ANKRD2: variants seen among roughly 807,000 people sequenced by gnomAD.
ANKRD2 encodes the protein ankyrin repeat domain 2.
ANKRD2 carries 35 observed loss-of-function variants against 37.3 expected under a neutral mutation model. That is an observed-to-expected ratio of 0.94 (90% CI 0.72 to 1.24). The LOEUF (loss-of-function observed/expected upper bound fraction) is 1.24. Ranked by LOEUF, ANKRD2 falls within the 50% of genes most tolerant of loss-of-function variation. ANKRD2 has a pLI of 0.00. For missense variants in ANKRD2, 410 were observed against 445.6 expected, an observed-to-expected ratio of 0.92 and a Z score of 0.72; for synonymous variants, 159 against 186.5, an observed-to-expected ratio of 0.85 and a Z score of 1.20.
chr10:97,575,738 G>C (rs2040818898), intron 1 of ANKRD2, among the ~76,000 whole-genome samples: 1 of 152,130 alleles, frequency 6.6e-6, no homozygotes, highest in African/African-American at 2.4e-5. Flanking sequence ...GTGGAACCCT[G>C]TCTCTACTAA....
At position 97,580,318 on chromosome 10, in the gene ANKRD2, G is replaced by A. The variant is rs184353097; in HGVS notation, c.457-537G>A. Reference sequence around the variant, plus strand: ...TATGGAAAGATATTGTGGCTTGAGCGTTTCAAAAGTCCAAGGCAGAAAGGA... The same window carrying A: ...TATGGAAAGATATTGTGGCTTGAGCATTTCAAAAGTCCAAGGCAGAAAGGA... On this transcript the variant is annotated intron_variant, in intron 4 of 8. Transcript: ENST00000370655. Among the ~76,000 whole-genome samples the A allele has an allele frequency of 8.5e-5, 13 of 152,300 alleles. No homozygotes were observed. In the East Asian group the frequency reaches 1.5e-3, roughly 18 times the overall value.
In ANKRD2 at chr10:97,583,768, T is replaced by G; in HGVS notation, c.*43T>G. The G allele has an allele frequency of 6.8e-7, 1 of 1,468,864 alleles. No individual in the cohort carries two copies. Among genetic ancestry groups the G allele is most frequent in the Non-Finnish European group, 9.0e-7 (1 of 1,112,654 alleles). 91.0% of individuals were successfully genotyped at this position (1,468,864 alleles called of 1,614,324 possible). A position where few individuals can be genotyped will look rare whatever the true frequency, so the allele number is the denominator to read the frequency against. Reference sequence around the variant, plus strand: ...GCCAGCTACCCAGCCCCTCTCTGTGTGCAGCCGGAGGGTCCTAAGAATGGC... The same window carrying G: ...GCCAGCTACCCAGCCCCTCTCTGTGGGCAGCCGGAGGGTCCTAAGAATGGC... On this transcript the variant is annotated 3_prime_UTR_variant, in exon 9 of 9. Coordinates refer to ENST00000370655, the MANE Select transcript of ANKRD2 (RefSeq NM_001346793.2).
chr10:97,583,469 T>G, intron 8 of ANKRD2, 107 bp from the exon 9 acceptor site: 1 of 1,125,836 alleles, frequency 8.9e-7, no homozygotes, highest in Non-Finnish European at 1.2e-6. Flanking sequence ...GTTGCCCCCA[T>G]TTGAGAAGCA....
chr10:97,577,637 G>T (rs756952158), intron 1 of ANKRD2, among the ~76,000 whole-genome samples, 163 bp from the exon 2 acceptor site: 3 of 152,158 alleles, frequency 2.0e-5, no homozygotes, highest in Non-Finnish European at 4.4e-5. Context: ...CCTTTTGGGG[G>T]CCCCTCCAGG....
chr10:97,579,324 T>C (rs1200934750), intron 4 of ANKRD2, among the ~76,000 whole-genome samples: 1 of 149,280 alleles, frequency 6.7e-6, no homozygotes, highest in South Asian at 2.1e-4. Context: ...TTTTTTTTTT[T>C]GAGACAGAGT....
At chr10:97,578,164 C>CCCCAAAA in intron 2 of ANKRD2, 76 bp from the exon 3 acceptor site, 1 of 1,387,898 alleles carries the variant, frequency 7.2e-7, no homozygotes, top group Non-Finnish European at 9.8e-7. Flanking sequence ...CCCTCCCCAC[C>CCCCAAAA]AGCTTAGCTC....
rs769717666 is a variant in ANKRD2, at chr10:97,583,570, C to T, written c.853-6C>T. ...CAACCCCCACGCCCCGTCCCGCCCC[C>T]TCCAGGCAGGAAAGACCCCGACGGA... On this transcript the variant is annotated splice_polypyrimidine_tract_variant and splice_region_variant and intron_variant, in intron 8 of 8. Coordinates refer to ENST00000370655, the MANE Select transcript of ANKRD2 (RefSeq NM_001346793.2). 27 of 1,597,986 alleles carry T rather than the reference C, an allele frequency of 1.7e-5. No homozygotes were observed. The South Asian group carries it at 2.7e-4, about 16-fold the overall frequency.
At chr10:97,582,854 C>T in intron 8 of ANKRD2, 152 bp downstream of exon 8, 1 of 669,354 alleles carries the variant, frequency 1.5e-6, no homozygotes, top group Non-Finnish European at 2.6e-6. Flanking sequence ...TTCCAGAGCA[C>T]CATTCCAACT....
At position 97,578,407 on chromosome 10, in the gene ANKRD2, C is replaced by G. The variant is rs1252683490; in HGVS notation, c.348+9C>G. The G allele has an allele frequency of 2.5e-6, 4 of 1,613,490 alleles. No individual in the cohort carries two copies. In the African/African-American group the frequency reaches 5.3e-5, roughly 22 times the overall value. On this transcript the variant is annotated intron_variant, in intron 3 of 8. Coordinates refer to ENST00000370655, the MANE Select transcript of ANKRD2 (RefSeq NM_001346793.2). ...CAGAGCCCGAGGAGATCGTAAGGGTCCTGGGGAGGACACCGCGAGGGGGCG... is the reference window on the plus strand; with the variant it reads ...CAGAGCCCGAGGAGATCGTAAGGGTGCTGGGGAGGACACCGCGAGGGGGCG...
At chr10:97,581,036 ACCTG>A in intron 5 of ANKRD2, 83 bp downstream of exon 5, 1 of 1,293,758 alleles carries the variant, frequency 7.7e-7, no homozygotes, top group Non-Finnish European at 1.1e-6. Context: ...ACCTGTGCCA[ACCTG>A]AAGCATAAAC....
In ANKRD2 at chr10:97,576,668, T is replaced by TTTTATTTATTTATTTA. The variant is rs59288893; in HGVS notation, c.88-1104_88-1089dup. 1.8e-4 allele frequency among the ~76,000 whole-genome samples: 25 copies of TTTTATTTATTTATTTA among 140,508 alleles called. 1 individual carries two copies. The highest frequency in any genetic ancestry group is 4.1e-4 in the East Asian group (2 of 4,868). The allele number at this position is 140,508 out of a possible 152,430, so 92.2% of individuals were successfully genotyped here. On this transcript the variant is annotated intron_variant, in intron 1 of 8. Transcript: ENST00000370655. ...GTGAATTATTTATTTTTAAAACTTA[T>TTTTATTTATTTATTTA]TTTATTTATTTATTTATTTATTTAT... is the stretch of plus-strand genomic sequence containing the variant.
In ANKRD2 at chr10:97,583,771, A is replaced by C. The variant is rs775034618; in HGVS notation, c.*46A>C. On this transcript the variant is annotated 3_prime_UTR_variant, in exon 9 of 9. Coordinates refer to ENST00000370655, the MANE Select transcript of ANKRD2 (RefSeq NM_001346793.2). ...AGCTACCCAGCCCCTCTCTGTGTGC[A>C]GCCGGAGGGTCCTAAGAATGGCTCC... 6 of 1,461,314 alleles carry C rather than the reference A, an allele frequency of 4.1e-6. No individual in the cohort carries two copies. The highest frequency in any genetic ancestry group is 4.5e-6 in the Non-Finnish European group (5 of 1,108,516). 90.5% of individuals were successfully genotyped at this position (1,461,314 alleles called of 1,614,324 possible). A position where few individuals can be genotyped will look rare whatever the true frequency, so the allele number is the denominator to read the frequency against.
At chr10:97,575,870 C>T (rs2040820556) in intron 1 of ANKRD2, among the ~76,000 whole-genome samples, 1 of 151,554 alleles carries the variant, frequency 6.6e-6, no homozygotes, top group African/African-American at 2.4e-5. Flanking sequence ...GAGATCACAC[C>T]ACCGCACTCC....
rs760938725 is a variant in ANKRD2 at position 97,578,263 on chromosome 10, G to T, written c.213G>T (p.Thr71=). 2 of 1,611,664 alleles carry T rather than the reference G, an allele frequency of 1.2e-6. No homozygotes were observed. The highest frequency in any genetic ancestry group is 2.2e-5 in the South Asian group (2 of 90,998). The change falls in exon 3 of 9, where the codon ACG becomes ACT. Residue 71 remains threonine, a synonymous_variant. Coordinates refer to ENST00000370655, the MANE Select transcript of ANKRD2 (RefSeq NM_001346793.2). ...KVKGQERVRK[T]SLDLRREIID... ...AGGGCCAAGAGCGCGTGCGCAAGAC[G>T]TCCCTGGACCTGCGGCGGGAGATCA...
At chr10:97,578,168 T>A in intron 2 of ANKRD2, 72 bp from the exon 3 acceptor site, 2 of 437,864 alleles carry the variant, frequency 4.6e-6, no homozygotes, top group Middle Eastern at 6.6e-4. Context: ...CCCCACCAGC[T>A]TAGCTCAGAG....
intron 2 of ANKRD2, 148 bp downstream of exon 2, chr10:97,578,049 A>T (rs1025499827): frequency 2.0e-5 from 21 of 1,069,230 alleles, no homozygotes; most frequent in Non-Finnish European, 2.8e-5. Context: ...GCCCCGTCCC[A>T]GAACTACTGA....
rs1409694291 is a variant in ANKRD2 at position 97,581,335 on chromosome 10, A to C, written c.575A>C (p.His192Pro). Residue 192 changes from histidine to proline, a missense_variant, in exon 6 of 9, where the codon CAT becomes CCT. Coordinates refer to ENST00000370655, the MANE Select transcript of ANKRD2 (RefSeq NM_001346793.2). ...FQDRLDCTAM[H>P]WACRGGHLEV... ...TTCTAGCTGGACTGCACAGCCATGCATTGGGCCTGCCGCGGGGGCCACTTA... is the reference window on the plus strand; with the variant it reads ...TTCTAGCTGGACTGCACAGCCATGCCTTGGGCCTGCCGCGGGGGCCACTTA... The C allele has an allele frequency of 1.2e-6, 2 of 1,614,028 alleles. No homozygotes were observed. The highest frequency in any genetic ancestry group is 4.5e-5 in the East Asian group (2 of 44,900).
rs1343835567 is a variant in ANKRD2, at chr10:97,578,323, G to A, written c.273G>A (p.Leu91=). 1.4e-5 allele frequency: 22 copies of A among 1,613,308 alleles called. No homozygotes were observed. The highest frequency in any genetic ancestry group is 4.5e-5 in the East Asian group (2 of 44,842). ...GCGGGATCCAGAACCTCATCGAGCTGCGGAAGAAACGCAAGCAGAAGAAGC... is the reference window on the plus strand; with the variant it reads ...GCGGGATCCAGAACCTCATCGAGCTACGGAAGAAACGCAAGCAGAAGAAGC... ...DVGGIQNLIE[L]RKKRKQKKRD... is the part of the protein sequence containing the mutation. The change falls in exon 3 of 9, where the codon CTG becomes CTA. Residue 91 remains leucine (L), a synonymous_variant. Transcript: ENST00000370655.
chr10:97,579,090 G>A (rs138365017), intron 4 of ANKRD2, among the ~76,000 whole-genome samples: 4,595 of 152,078 alleles, frequency 0.03, 121 homozygotes, highest in South Asian at 0.045. Flanking sequence ...AAGGTGGGAG[G>A]AGCGCTTGAG....
Sources: allele counts gnomAD v4.1 joint callset (sites outside exome capture counted in the v4.1 genomes callset), GRCh38; gene constraint gnomAD v4.1.1; transcripts MANE v1.5; gene names NCBI Gene and HGNC (gene_info 2026-07-23, HGNC 2026-07-21).